Variants in IDE observed in about 807,000 individuals in gnomAD.
The protein encoded by IDE is insulin-degrading enzyme.
IDE carries 58 observed loss-of-function variants against 133.2 expected under a neutral mutation model. The observed-to-expected ratio is 0.44, with a 90% confidence interval of 0.35 to 0.54. The LOEUF (loss-of-function observed/expected upper bound fraction) is 0.54, where lower values mean the gene tolerates loss of function less well. Among genes scored for constraint, IDE ranks in the 20% least tolerant of loss-of-function variants. IDE has a pLI of 0.00. For synonymous variants in IDE, 396 were observed against 421.3 expected, an observed-to-expected ratio of 0.94 and a Z score of 0.73; for missense variants, 981 against 1,234.0, an observed-to-expected ratio of 0.79 and a Z score of 3.07.
intron 1 of IDE, among the ~76,000 whole-genome samples, chr10:92,552,676 T>C (rs898452189): frequency 6.6e-6 from 1 of 151,502 alleles, no homozygotes; most frequent in Non-Finnish European, 1.5e-5. Flanking sequence ...GTGGCTAACA[T>C]GGTGAACTCC....
At position 92,531,793 on chromosome 10, in the gene IDE, T is replaced by C. The variant is rs1849938505; in HGVS notation, c.616A>G (p.Lys206Glu). 10 of 1,605,578 alleles carry C rather than the reference T, an allele frequency of 6.2e-6. No individual in the cohort carries two copies. In the Admixed American group the frequency reaches 1.5e-4, roughly 24 times the overall value. ...NDAWRLFQLE[K>E]ATGNPKHPFS... ...GGGTGTTTAGGATTCCCTGTAGCTT[T>C]TTCCAATTGAAAGAGTCTCCAGGCA... The change falls in exon 4 of 25, where the codon AAA becomes GAA. Residue 206 changes from lysine (K) to glutamate (E), a missense_variant. Transcript: ENST00000265986.
At chr10:92,490,646 T>C (rs756808631) in intron 11 of IDE, 51 bp from the exon 12 acceptor site, 28 of 1,094,954 alleles carry the variant, frequency 2.6e-5, no homozygotes, top group South Asian at 1.5e-4. Flanking sequence ...ATACTGTATA[T>C]ATGAATTTAA....
At chr10:92,528,948 G>A (rs970798781) in intron 4 of IDE, among the ~76,000 whole-genome samples, 1 of 151,920 alleles carries the variant, frequency 6.6e-6, no homozygotes, top group African/African-American at 2.4e-5. Context: ...ATGGTGGTGG[G>A]TGCCCGTAAT....
intron 1 of IDE, among the ~76,000 whole-genome samples, chr10:92,544,331 T>C (rs989969391): frequency 2.6e-5 from 4 of 152,192 alleles, no homozygotes; most frequent in Non-Finnish European, 2.9e-5. Context: ...AACTGTTCAT[T>C]TAATCCTTCC....
At chr10:92,548,359 C>CAAAAA (rs56347361) in intron 1 of IDE, among the ~76,000 whole-genome samples, 12 of 39,718 alleles carry the variant, frequency 3.0e-4, no homozygotes, top group African/African-American at 8.4e-4. Context: ...AACTCCATCT[C>CAAAAA]AAAAAAAAAA....
At chr10:92,507,752 G>GAGGGACCATCTTCCACTTATC in intron 8 of IDE, 86 bp from the exon 9 acceptor site, 1 of 791,290 alleles carries the variant, frequency 1.3e-6, no homozygotes, top group Non-Finnish European at 2.2e-6. Context: ...AGTCAGATAA[G>GAGGGACCATCTTCCACTTATC]TGGAAGATGG....
chr10:92,550,204 A>T (rs931303553), intron 1 of IDE, among the ~76,000 whole-genome samples: 10 of 151,924 alleles, frequency 6.6e-5, no homozygotes, highest in African/African-American at 2.4e-4. Flanking sequence ...ATATTAAAAT[A>T]AAAAATTTCT....
At chr10:92,537,850 A>C (rs576456986) in intron 1 of IDE, among the ~76,000 whole-genome samples, 1 of 151,998 alleles carries the variant, frequency 6.6e-6, no homozygotes, top group African/African-American at 2.4e-5. Context: ...ACTAGAATAG[A>C]GTTTTTTTTG....
Position 92,463,904 on chromosome 10 carries a change from A to G in IDE, c.2588T>C (p.Val863Ala). 1 of 1,613,904 alleles carries G rather than the reference A, an allele frequency of 6.2e-7. No homozygotes were observed. Residue 863 changes from valine (V) to alanine (A), a missense_variant, in exon 21 of 25, where the codon GTG becomes GCG. Physicochemically the swap from Val to Ala is moderately conservative, Grantham distance 64 (BLOSUM62 0). This residue lies in a region of IDE where 660 missense variants were observed against 894.7 expected (regional missense o/e 0.74). Coordinates refer to ENST00000265986, the MANE Select transcript of IDE (RefSeq NM_004969.4). ...EKPPHYLESR[V>A]EAFLITMEKS... ...TTCCATGGTAATTAAGAAAGCTTCC[A>G]CTCTGCTTTCTAGGTAGTGAGGTGG...
At chr10:92,487,138 G>A in intron 13 of IDE, 58 bp downstream of exon 13, 1 of 1,513,838 alleles carries the variant, frequency 6.6e-7, no homozygotes. Flanking sequence ...CATTTACCCA[G>A]TCCCCCATGT....
intron 4 of IDE, among the ~76,000 whole-genome samples, chr10:92,515,560 CTTTT>C (rs770666032): frequency 1.9e-5 from 2 of 106,726 alleles, no homozygotes; most frequent in East Asian, 3.2e-4. Flanking sequence ...CGCACCCGGC[CTTTT>C]TTTTTTTTTT....
chr10:92,537,292 T>C (rs1842061524), intron 2 of IDE, 74 bp downstream of exon 2: 12 of 1,188,900 alleles, frequency 1.0e-5, no homozygotes, highest in East Asian at 2.4e-5. Flanking sequence ...TAAACACGTA[T>C]GGAAAGTTCT....
chr10:92,545,304 A>G (rs1272742147), intron 1 of IDE, among the ~76,000 whole-genome samples: 2 of 151,768 alleles, frequency 1.3e-5, no homozygotes, highest in African/African-American at 4.8e-5. Flanking sequence ...AGGAAAGAGG[A>G]AAAAAATTAA....
At position 92,521,322 on chromosome 10, in the gene IDE, C is replaced by G. The variant is rs535537467; in HGVS notation, c.662-6280G>C. Among the ~76,000 whole-genome samples, 8 of 152,032 alleles carry G rather than the reference C, an allele frequency of 5.3e-5. No homozygotes were observed. In the East Asian group the frequency reaches 1.5e-3, roughly 29 times the overall value. The stretch of plus-strand genomic sequence containing the variant: ...AAAGTCAAACACAAATTTGATCAAG[C>G]CTCTATATCCAACTGCCAATTTGTA... On this transcript the variant is annotated intron_variant, in intron 4 of 24. Transcript: ENST00000265986.
intron 1 of IDE, among the ~76,000 whole-genome samples, chr10:92,551,566 C>CA (rs1232265058): frequency 0.15 from 10,142 of 65,876 alleles, 568 homozygotes; most frequent in South Asian, 0.22. Context: ...GACTCCATCT[C>CA]AAAAAAAAAA....
chr10:92,486,918 C>T (rs1381236406), intron 13 of IDE, among the ~76,000 whole-genome samples: 2 of 152,202 alleles, frequency 1.3e-5, no homozygotes, highest in Admixed American at 1.3e-4. Context: ...GAGGAACAGA[C>T]CTTTCCACAG....
intron 13 of IDE, among the ~76,000 whole-genome samples, chr10:92,484,986 G>T (rs1012901776): frequency 3.9e-5 from 6 of 151,968 alleles, no homozygotes; most frequent in African/African-American, 1.4e-4. Context: ...AGCCCAGGAG[G>T]CCAAGGCTAC....
At chr10:92,535,777 C>T (rs147933375) in intron 2 of IDE, among the ~76,000 whole-genome samples, 219 of 152,236 alleles carry the variant, frequency 1.4e-3, no homozygotes, top group African/African-American at 5.2e-3. Flanking sequence ...GGCCCACACC[C>T]GTAATCCCAG....
intron 10 of IDE, among the ~76,000 whole-genome samples, chr10:92,505,544 T>C (rs924057110): frequency 6.6e-6 from 1 of 152,190 alleles, no homozygotes; most frequent in South Asian, 2.1e-4. Flanking sequence ...ATGAAATCCT[T>C]TGTCCTCCAA....
Sources: gnomAD v4.1 joint callset for allele counts (sites outside exome capture counted in the v4.1 genomes callset) on GRCh38, gnomAD v4.1.1 for gene constraint, gnomAD v4.1.1 regional missense constraint, MANE v1.5 for transcripts, NCBI Gene and HGNC (gene_info 2026-07-23, HGNC 2026-07-21) for gene names.